FBN3: variants seen among roughly 807,000 people sequenced by gnomAD.
FBN3 encodes the protein fibrillin 3, also known as fibrillin-3.
A neutral mutation model predicts 330.1 loss-of-function variants in FBN3; 234 were observed. That is an observed-to-expected ratio of 0.71 (90% CI 0.64 to 0.79). The LOEUF (loss-of-function observed/expected upper bound fraction) is 0.79, where lower values mean the gene tolerates loss of function less well. Among genes scored for constraint, FBN3 ranks in the 30% least tolerant of loss-of-function variants. FBN3 has a pLI of 0.00. For synonymous variants in FBN3, 1,458 were observed against 1,517.3 expected (o/e 0.96, Z 0.91); for missense variants, 3,606 against 3,886.9 (o/e 0.93, Z 1.92).
intron 46 of FBN3, among the ~76,000 whole-genome samples, chr19:8,095,084 G>T (rs2082181450): frequency 6.6e-6 from 1 of 152,026 alleles, no homozygotes; most frequent in African/African-American, 2.4e-5. Flanking sequence ...TGATTCTCCT[G>T]CCCCAGCCTC....
At chr19:8,095,291 T>C in intron 46 of FBN3, 84 bp downstream of exon 46, 2 of 1,402,406 alleles carry the variant, frequency 1.4e-6, no homozygotes, top group Non-Finnish European at 1.9e-6. Context: ...TAAATGGATC[T>C]ATGCTCACCC....
At chr19:8,136,127 C>T (rs1396316149) in intron 12 of FBN3, 41 bp from the exon 13 acceptor site, 1 of 1,611,434 alleles carries the variant, frequency 6.2e-7, no homozygotes, top group Admixed American at 1.7e-5. Context: ...GTGCTCCCCA[C>T]CCTCCAAGCC....
In FBN3 at chr19:8,121,377, T is replaced by G. The variant is rs2082845619; in HGVS notation, c.3092A>C (p.Glu1031Ala). The change falls in exon 25 of 64, where the codon GAG (glutamate) becomes GCG (alanine). Residue 1031 changes from glutamate (E) to alanine (A), a missense_variant. Coordinates refer to ENST00000600128, the MANE Select transcript of FBN3 (RefSeq NM_032447.5). The surrounding 1 kb of genome is among the most constrained non-coding windows in gnomAD (Gnocchi z 4.5). ...AQERNCTDID[E>A]CRISPDLCGQ... ...GCAGAGGTCAGGAGAGATGCGACAC[T>G]CGTCGATATCTGTGGGGAGAGGGGG... is the stretch of plus-strand genomic sequence containing the variant. 1 of 1,598,226 alleles carries G rather than the reference T, an allele frequency of 6.3e-7. No homozygotes were observed. The highest frequency in any genetic ancestry group is 1.4e-5 in the African/African-American group (1 of 70,886).
rs1420069689 is a variant in FBN3, at chr19:8,090,189, A to G, written c.6094T>C (p.Phe2032Leu). 2 of 1,613,892 alleles carry G rather than the reference A, an allele frequency of 1.2e-6. No individual in the cohort carries two copies. The highest frequency in any genetic ancestry group is 1.7e-6 in the Non-Finnish European group (2 of 1,179,950). The part of the protein sequence containing the change: ...EAGKCSVPKA[F>L]NTTKTRCCCS... ...CAGCAGCGGGTCTTGGTGGTGTTGA[A>G]AGCTTTGGGCACCGAGCACTTCCCA... The change falls in exon 49 of 64, where the codon TTC (phenylalanine) becomes CTC (leucine). Residue 2032 changes from phenylalanine to leucine, a missense_variant. Transcript: ENST00000600128.
chr19:8,073,258 C>T lies in FBN3; in HGVS notation c.7742G>A (p.Ser2581Asn). ...ACCAAGAGTGTTGCGACAGGAGGCG[C>T]TCCCGCAGGTGGGGGGCGACAGGGC... ...ECALSPPTCG[S>N]ASCRNTLGGF... The change falls in exon 62 of 64, where the codon AGC becomes AAC. Residue 2581 changes from serine (S) to asparagine (N), a missense_variant. By Grantham distance (46) the Ser-to-Asn change is conservative (BLOSUM62 1). Coordinates refer to ENST00000600128, the MANE Select transcript of FBN3 (RefSeq NM_032447.5). The T allele has an allele frequency of 1.2e-6, 2 of 1,613,934 alleles. No homozygotes were observed. Among genetic ancestry groups the T allele is most frequent in the East Asian group, 2.2e-5 (1 of 44,868 alleles).
chr19:8,065,812 GAGTTT>G lies in FBN3; in HGVS notation c.*102_*106del. ...TGTCGTGTAGCATTTCACTCTTCCT[GAGTTT>G]CGGGGTTCAATCTGGTCAGCCATCG... On this transcript the variant is annotated 3_prime_UTR_variant, in exon 64 of 64. Transcript: ENST00000600128. The G allele has an allele frequency of 1.0e-6, 1 of 953,648 alleles. No individual in the cohort carries two copies. 59.1% of individuals were successfully genotyped at this position (953,648 alleles called of 1,614,324 possible).
intron 16 of FBN3, among the ~76,000 whole-genome samples, chr19:8,130,567 G>A (rs1287793981): frequency 0.027 from 1,286 of 47,088 alleles, 284 homozygotes; most frequent in East Asian, 0.075. Flanking sequence ...AGAGAGAGAA[G>A]GAAAGAAAGA....
At chr19:8,136,900 TG>T (rs369618063) in intron 10 of FBN3, among the ~76,000 whole-genome samples, 13 of 66,886 alleles carry the variant, frequency 1.9e-4, no homozygotes, top group Non-Finnish European at 2.8e-4. Context: ...CCCTCCAACC[TG>T]GGGCCTGGAT....
intron 26 of FBN3, among the ~76,000 whole-genome samples, chr19:8,117,995 G>A (rs1763236620): frequency 6.6e-6 from 1 of 150,744 alleles, no homozygotes; most frequent in Non-Finnish European, 1.5e-5. Flanking sequence ...CACACCCAGG[G>A]GCACACTCAC....
At chr19:8,114,009 T>C (rs2082651402) in intron 30 of FBN3, among the ~76,000 whole-genome samples, 1 of 147,382 alleles carries the variant, frequency 6.8e-6, no homozygotes, top group Non-Finnish European at 1.5e-5. Flanking sequence ...AAATAAATAA[T>C]AAATAAAATG....
chr19:8,129,440 C>CA lies in FBN3; in HGVS notation c.2045-76_2045-75insT. The stretch of plus-strand genomic sequence containing the variant: ...GAGGCAGGAGGAGGGTGTGTCGCGG[C>CA]GCACCAGGGGTCTCTAGAAGTCAGA... On this transcript the variant is annotated intron_variant, in intron 16 of 63. Coordinates refer to ENST00000600128, the MANE Select transcript of FBN3 (RefSeq NM_032447.5). The surrounding 1 kb of genome is among the most constrained non-coding windows in gnomAD (Gnocchi z 4.5). 6.4e-7 allele frequency: 1 copy of CA among 1,572,298 alleles called. No homozygotes were observed. Among genetic ancestry groups the CA allele is most frequent in the Non-Finnish European group, 8.7e-7 (1 of 1,154,800 alleles).
intron 8 of FBN3, among the ~76,000 whole-genome samples, chr19:8,140,536 A>G (rs939791149): frequency 2.6e-5 from 4 of 152,174 alleles, no homozygotes; most frequent in Admixed American, 2.0e-4. Flanking sequence ...CAGCCCCAAC[A>G]TTACCTGGTG....
Position 8,089,910 on chromosome 19 carries a change from C to T in FBN3, c.6234G>A (p.Pro2078=), listed in dbSNP as rs772743589. 6.9e-6 allele frequency: 11 copies of T among 1,601,900 alleles called. No individual in the cohort carries two copies. The African/African-American group carries it at 8.0e-5, about 12-fold the overall frequency. The change falls in exon 50 of 64, where the codon CCG becomes CCA. Residue 2078 remains proline, a synonymous_variant. Coordinates refer to ENST00000600128, the MANE Select transcript of FBN3 (RefSeq NM_032447.5). Reference sequence around the variant, plus strand: ...GGGGCTCACCTTCTCGGGAGTCATCCGGGCCTGGGACTGCCCCGTGGCCAA... The same window carrying T: ...GGGGCTCACCTTCTCGGGAGTCATCTGGGCCTGGGACTGCCCCGTGGCCAA... ...CPFGHGAVPG[P]DDSREDVNEC...
Position 8,131,325 on chromosome 19 carries a change from G to A in FBN3, c.1991-37C>T. On this transcript the variant is annotated intron_variant, in intron 15 of 63. Transcript: ENST00000600128. This position sits in a 1 kb window ranked among gnomAD's most constrained non-coding sequence, Gnocchi z 4.5. Reference sequence around the variant, plus strand: ...GGGACAGAGTGAGACGGGTCAGGGAGCTTAGCCATGGCTCGGATTCAGCCA... The same window carrying A: ...GGGACAGAGTGAGACGGGTCAGGGAACTTAGCCATGGCTCGGATTCAGCCA... The A allele has an allele frequency of 6.2e-7, 1 of 1,605,022 alleles. No individual in the cohort carries two copies. The highest frequency in any genetic ancestry group is 8.5e-7 in the Non-Finnish European group (1 of 1,175,178).
intron 40 of FBN3, among the ~76,000 whole-genome samples, chr19:8,101,740 C>T (rs756393505): frequency 1.3e-5 from 2 of 151,692 alleles, no homozygotes; most frequent in Non-Finnish European, 2.9e-5. Flanking sequence ...GGACATTTAC[C>T]GACCCCCTCC....
chr19:8,086,832 G>A (rs370427210), intron 54 of FBN3, among the ~76,000 whole-genome samples: 6 of 151,498 alleles, frequency 4.0e-5, no homozygotes, highest in African/African-American at 7.3e-5. Context: ...GGAGTGCAGC[G>A]GCACTGTCCT....
chr19:8,104,689 G>C (rs1053033585), intron 38 of FBN3, among the ~76,000 whole-genome samples: 22 of 152,102 alleles, frequency 1.4e-4, no homozygotes, highest in African/African-American at 5.3e-4. Flanking sequence ...TAGTCCAGGG[G>C]TAGTAAGCTT....
rs2081779953 is a variant in FBN3, at chr19:8,081,394, C to T, written c.7300G>A (p.Gly2434Ser). 3 of 1,611,336 alleles carry T rather than the reference C, an allele frequency of 1.9e-6. No individual in the cohort carries two copies. Among genetic ancestry groups the T allele is most frequent in the East Asian group, 4.5e-5 (2 of 44,864 alleles). ...CTGCCATCCTCCTCCAGCAGGTAGC[C>T]TCGGGGACAGCTGCACAGGAAACTG... ...KGSFLCSCPR[G>S]YLLEEDGRTC... The change falls in exon 58 of 64, where the codon GGC (glycine) becomes AGC (serine). Residue 2434 changes from glycine to serine, a missense_variant. Transcript: ENST00000600128.
In FBN3 at chr19:8,106,126, G is replaced by A; in HGVS notation, c.4795C>T (p.His1599Tyr). 1 of 1,614,178 alleles carries A rather than the reference G, an allele frequency of 6.2e-7. No individual in the cohort carries two copies. Among genetic ancestry groups the A allele is most frequent in the South Asian group, 1.1e-5 (1 of 91,076 alleles). The change falls in exon 38 of 64, where the codon CAC becomes TAC. Residue 1599 changes from histidine (H) to tyrosine (Y), a missense_variant. His to Tyr is a moderately conservative substitution (Grantham distance 83). Transcript: ENST00000600128. ...ECPPGYHLSE[H>Y]TRICEDIDEC... ...TGCTCACCCTCACAGATGCGGGTGT[G>A]CTCACTGAGGTGGTAGCCAGGTGGG...
Sources: gnomAD v4.1 joint callset for allele counts (sites outside exome capture counted in the v4.1 genomes callset) on GRCh38, gnomAD v4.1.1 for gene constraint, Gnocchi (gnomAD v3.1) non-coding constraint, MANE v1.5 for transcripts, NCBI Gene and HGNC (gene_info 2026-07-23, HGNC 2026-07-21) for gene names.